The following THRAP3 variants were observed in gnomAD, a reference collection of about 807,000 sequenced individuals.
The protein encoded by THRAP3 is thyroid hormone receptor associated protein 3, also known as thyroid hormone receptor-associated protein 3.
A neutral mutation model predicts 101.0 loss-of-function variants in THRAP3; 16 were observed. The observed-to-expected ratio is 0.16, with a 90% CI of 0.11 to 0.24. The LOEUF is 0.24. Among genes scored for constraint, THRAP3 ranks in the 10% least tolerant of loss-of-function variants. The pLI is 1.00. For synonymous variants in THRAP3, 407 were observed against 422.6 expected, an observed-to-expected ratio of 0.96 and a Z score of 0.45; for missense variants, 989 against 1,202.7, an observed-to-expected ratio of 0.82 and a Z score of 2.63.
the THRAP3 span, among the ~76,000 whole-genome samples, chr1:36,214,576 G>A: frequency 1.3e-5 from 2 of 152,070 alleles, no homozygotes; most frequent in Admixed American, 6.6e-5. Context: ...AAGGAAATGT[G>A]GGCCAGGCTC....
intron 1 of THRAP3, among the ~76,000 whole-genome samples, chr1:36,250,191 A>G (rs1163085235): frequency 6.6e-6 from 1 of 151,576 alleles, no homozygotes; most frequent in African/African-American, 2.4e-5. Flanking sequence ...CCTTCCAAAT[A>G]GGCCCTTAGT....
intron 2 of THRAP3, among the ~76,000 whole-genome samples, chr1:36,276,399 C>T (rs1354615866): frequency 6.6e-6 from 1 of 151,798 alleles, no homozygotes; most frequent in Admixed American, 6.6e-5. Context: ...TGGTGGGTGC[C>T]TGTAGTCCCA....
chr1:36,260,821 C>CAA (rs34066117), intron 2 of THRAP3, among the ~76,000 whole-genome samples: 1,144 of 70,120 alleles, frequency 0.016, 19 homozygotes, highest in African/African-American at 0.058. Flanking sequence ...GACTACGTCT[C>CAA]AAAAAAAAAA....
chr1:36,278,064 T>C (rs964016658), intron 2 of THRAP3, among the ~76,000 whole-genome samples: 5,774 of 142,352 alleles, frequency 0.041, 418 homozygotes, highest in African/African-American at 0.15. Flanking sequence ...CAGCCCCCCT[T>C]TTTTTTTTTT....
chr1:36,234,083 G>C (rs1645059175), intron 1 of THRAP3, among the ~76,000 whole-genome samples: 2 of 152,136 alleles, frequency 1.3e-5, no homozygotes, highest in Admixed American at 6.6e-5. Flanking sequence ...AGCCTCCTGA[G>C]TAGCTAGGAC....
At chr1:36,295,545 T>TTTCCTTCCTTCC (rs55705007) in intron 8 of THRAP3, among the ~76,000 whole-genome samples, 10,692 of 145,388 alleles carry the variant, frequency 0.074, 741 homozygotes, top group African/African-American at 0.16. Flanking sequence ...AGAGAAGTTT[T>TTTCCTTCCTTCC]TTCCTTCCTT....
the THRAP3 span, among the ~76,000 whole-genome samples, chr1:36,213,580 TCAC>T: frequency 1.3e-5 from 2 of 151,978 alleles, no homozygotes; most frequent in Non-Finnish European, 2.9e-5. Flanking sequence ...GCGCTGTGGC[TCAC>T]GTCTGTAATC....
chr1:36,212,853 A>G, the THRAP3 span, among the ~76,000 whole-genome samples: 1 of 152,136 alleles, frequency 6.6e-6, no homozygotes, highest in Admixed American at 6.6e-5. Flanking sequence ...AAATTACAAC[A>G]ATGCAAGGCA....
At chr1:36,287,629 C>G in intron 4 of THRAP3, 1 of 985,374 alleles carries the variant, frequency 1.0e-6, no homozygotes, top group Non-Finnish European at 1.2e-6. Context: ...CATTGGAGCT[C>G]TTAGACCCTC....
intron 1 of THRAP3, among the ~76,000 whole-genome samples, chr1:36,254,122 C>G (rs1468920862): frequency 6.6e-6 from 1 of 152,152 alleles, no homozygotes; most frequent in Non-Finnish European, 1.5e-5. Flanking sequence ...TATTCACCTT[C>G]TTTTTCTCAG....
chr1:36,219,515 C>G (rs1644893103), upstream of THRAP3, among the ~76,000 whole-genome samples: 2 of 152,094 alleles, frequency 1.3e-5, no homozygotes, highest in Admixed American at 1.3e-4. Context: ...ACCTCTGCCT[C>G]CTGGGTTCAA....
intron 2 of THRAP3, among the ~76,000 whole-genome samples, chr1:36,260,362 C>T (rs1426836639): frequency 6.6e-6 from 1 of 152,174 alleles, no homozygotes; most frequent in African/African-American, 2.4e-5. Context: ...CTCCCCTTCC[C>T]AGCCCCTTAG....
chr1:36,283,871 G>T (rs1645764276), intron 3 of THRAP3, among the ~76,000 whole-genome samples: 1 of 152,106 alleles, frequency 6.6e-6, no homozygotes. Context: ...GATATTAAAT[G>T]GAGTCTATGA....
rs765236765 is a variant in THRAP3 at position 36,300,876 on chromosome 1, CTT to C, written c.2304-7_2304-6del. Reference sequence around the variant, plus strand: ...GATGATTGATCACCCTGGCTCTTCTCTTTTCACAGGAAGCATCGGAGAGCAAG... The same window carrying C: ...GATGATTGATCACCCTGGCTCTTCTCTTCACAGGAAGCATCGGAGAGCAAG... On this transcript the variant is annotated splice_region_variant and splice_polypyrimidine_tract_variant and intron_variant, in intron 9 of 11. Coordinates refer to ENST00000354618, the MANE Select transcript of THRAP3 (RefSeq NM_005119.4). 1 of 1,612,548 alleles carries C rather than the reference CTT, an allele frequency of 6.2e-7. No homozygotes were observed. The highest frequency in any genetic ancestry group is 8.5e-7 in the Non-Finnish European group (1 of 1,179,818).
intron 1 of THRAP3, among the ~76,000 whole-genome samples, chr1:36,238,673 T>G (rs72908706): frequency 0.016 from 2,511 of 152,246 alleles, 71 homozygotes; most frequent in African/African-American, 0.058. Context: ...TTTTAGAAGA[T>G]TTAGTGTAAT....
At chr1:36,248,462 T>G (rs78241758) in intron 1 of THRAP3, among the ~76,000 whole-genome samples, 1 of 151,354 alleles carries the variant, frequency 6.6e-6, no homozygotes, top group Non-Finnish European at 1.5e-5. Context: ...TTTTTTTTTT[T>G]TTTGTGAGAC....
At chr1:36,293,620 TA>T (rs1645906672) in intron 7 of THRAP3, among the ~76,000 whole-genome samples, 1 of 130,462 alleles carries the variant, frequency 7.7e-6, no homozygotes, top group African/African-American at 2.9e-5. Context: ...TAACTTCTGT[TA>T]CACTGTGGGA....
intron 11 of THRAP3, among the ~76,000 whole-genome samples, chr1:36,302,785 T>C (rs748615296): frequency 2.0e-5 from 3 of 152,190 alleles, no homozygotes; most frequent in Non-Finnish European, 4.4e-5. Flanking sequence ...CCTCCTTCTG[T>C]CTCATGAGAT....
chr1:36,302,133 A>G (rs1365589567), intron 11 of THRAP3, among the ~76,000 whole-genome samples: 1 of 152,202 alleles, frequency 6.6e-6, no homozygotes, highest in Non-Finnish European at 1.5e-5. Context: ...ATGAAATGCC[A>G]GTGGGGCTTC....
Sources: allele counts gnomAD v4.1 joint callset (sites outside exome capture counted in the v4.1 genomes callset), GRCh38; gene constraint gnomAD v4.1.1; transcripts MANE v1.5; gene names NCBI Gene and HGNC (gene_info 2026-07-23, HGNC 2026-07-21).